Variants in SLAIN1 observed in about 807,000 individuals in gnomAD.
SLAIN1 encodes the protein SLAIN family member 1, also known as SLAIN motif-containing protein 1.
In SLAIN1, 17 loss-of-function variants were observed where a neutral mutation model predicts 55.4. The observed-to-expected ratio is 0.31, with a 90% CI of 0.21 to 0.46. The LOEUF (loss-of-function observed/expected upper bound fraction) is 0.46. SLAIN1 is among the 20% of genes least tolerant of loss of function. SLAIN1 has a pLI of 1.00. For synonymous variants in SLAIN1, 348 were observed against 337.4 expected (o/e 1.03, Z -0.35); for missense variants, 682 against 785.1 (o/e 0.87, Z 1.57).
At chr13:77,710,044 T>C (rs754442120) in intron 1 of SLAIN1, among the ~76,000 whole-genome samples, 8 of 151,904 alleles carry the variant, frequency 5.3e-5, no homozygotes, top group African/African-American at 1.7e-4. Flanking sequence ...AGTGCTGGGA[T>C]TACAGGTGTG....
intron 1 of SLAIN1, among the ~76,000 whole-genome samples, chr13:77,712,965 T>A (rs1370101507): frequency 6.6e-6 from 1 of 152,062 alleles, no homozygotes; most frequent in Non-Finnish European, 1.5e-5. Flanking sequence ...GGGGAAAGGA[T>A]TCCCTATTTA....
intron 1 of SLAIN1, among the ~76,000 whole-genome samples, chr13:77,716,340 T>TG (rs2091207352): frequency 6.6e-6 from 1 of 151,712 alleles, no homozygotes; most frequent in Non-Finnish European, 1.5e-5. Context: ...CATTTTTTTT[T>TG]TTTAACATTT....
intron 2 of SLAIN1, among the ~76,000 whole-genome samples, chr13:77,740,230 T>C (rs1286630173): frequency 6.6e-6 from 1 of 152,014 alleles, no homozygotes; most frequent in Admixed American, 6.6e-5. Context: ...ATACATGACA[T>C]TCAGAACAGG....
At chr13:77,714,793 T>G (rs1405079893) in intron 1 of SLAIN1, among the ~76,000 whole-genome samples, 1 of 152,134 alleles carries the variant, frequency 6.6e-6, no homozygotes, top group Non-Finnish European at 1.5e-5. Flanking sequence ...GTGAACAGAT[T>G]TCAACACTTG....
intron 1 of SLAIN1, among the ~76,000 whole-genome samples, chr13:77,702,483 C>G (rs966069023): frequency 6.6e-6 from 1 of 152,180 alleles, no homozygotes; most frequent in South Asian, 2.1e-4. Flanking sequence ...TCACCAGGCT[C>G]TGCAGCACCA....
intron 1 of SLAIN1, among the ~76,000 whole-genome samples, chr13:77,706,972 A>G (rs1386824203): frequency 1.3e-5 from 2 of 151,912 alleles, no homozygotes; most frequent in African/African-American, 4.8e-5. Context: ...CTAAAATGTC[A>G]TGTTGTACCT....
chr13:77,727,462 A>G lies in SLAIN1; in HGVS notation c.766+7791A>G, dbSNP rs1049764395. 2.2e-4 allele frequency among the ~76,000 whole-genome samples: 33 copies of G among 150,910 alleles called. No homozygotes were observed. In the Middle Eastern group the frequency reaches 0.01, roughly 47 times the overall value. On this transcript the variant is annotated intron_variant, in intron 2 of 6. Transcript: ENST00000418532. Reference sequence around the variant, plus strand: ...CAAAAAAAAAAACAAAACAATTTTCATTGAACATTTGGTGTTGTAAATGGC... The same window carrying G: ...CAAAAAAAAAAACAAAACAATTTTCGTTGAACATTTGGTGTTGTAAATGGC...
intron 2 of SLAIN1, among the ~76,000 whole-genome samples, chr13:77,730,986 AC>A (rs1479856695): frequency 6.6e-6 from 1 of 152,180 alleles, no homozygotes; most frequent in East Asian, 1.9e-4. Flanking sequence ...AAAGGAATCT[AC>A]CAAAATGGGA....
intron 1 of SLAIN1, among the ~76,000 whole-genome samples, chr13:77,706,211 C>T (rs1183146336): frequency 6.6e-6 from 1 of 152,048 alleles, no homozygotes; most frequent in Non-Finnish European, 1.5e-5. Flanking sequence ...AGCTCTCTTC[C>T]TCTCACCCTT....
At position 77,719,650 on chromosome 13, in the gene SLAIN1, C is replaced by T. The variant is rs1290034931; in HGVS notation, c.745C>T (p.Leu249=). The T allele has an allele frequency of 1.9e-6, 3 of 1,613,246 alleles. No individual in the cohort carries two copies. Among genetic ancestry groups the T allele is most frequent in the South Asian group, 2.2e-5 (2 of 91,002 alleles). Residue 249 remains leucine, a synonymous_variant, in exon 2 of 7, where the codon CTG becomes TTG. Coordinates refer to ENST00000418532, the MANE Select transcript of SLAIN1 (RefSeq NM_001242868.2). ...TGAGATGGAAGCAGCGAGACGTTCC[C>T]TGTGCTTTAGACTGGAGCAAGGTAA... ...TPEMEAARRS[L]CFRLEQGYTS...
chr13:77,756,701 T>A (rs1001602481), intron 5 of SLAIN1, among the ~76,000 whole-genome samples: 1 of 152,152 alleles, frequency 6.6e-6, no homozygotes, highest in South Asian at 2.1e-4. Context: ...AATAATCACA[T>A]TTATACAATG....
In SLAIN1 at chr13:77,697,901, C is replaced by G; in HGVS notation, c.-13C>G. Reference sequence around the variant, plus strand: ...CGCACTCCCCGGCGGCCGCGGCGCCCTCGGGGCCCACGATGATGGCGGAGC... The same window carrying G: ...CGCACTCCCCGGCGGCCGCGGCGCCGTCGGGGCCCACGATGATGGCGGAGC... On this transcript the variant is annotated 5_prime_UTR_variant, in exon 1 of 7. Coordinates refer to ENST00000418532, the MANE Select transcript of SLAIN1 (RefSeq NM_001242868.2). 1 of 1,367,826 alleles carries G rather than the reference C, an allele frequency of 7.3e-7. No homozygotes were observed. Among genetic ancestry groups the G allele is most frequent in the Non-Finnish European group, 9.5e-7 (1 of 1,052,168 alleles). 84.7% of individuals were successfully genotyped at this position (1,367,826 alleles called of 1,614,324 possible). A position where few individuals can be genotyped will look rare whatever the true frequency, so the allele number is the denominator to read the frequency against.
intron 1 of SLAIN1, among the ~76,000 whole-genome samples, chr13:77,703,402 T>G (rs1273961087): frequency 6.6e-6 from 1 of 152,136 alleles, no homozygotes; most frequent in Admixed American, 6.6e-5. Context: ...TAAACTGTTT[T>G]TTGCATAATT....
intron 1 of SLAIN1, among the ~76,000 whole-genome samples, chr13:77,709,765 ATTG>A (rs61324361): frequency 7.9e-5 from 12 of 151,630 alleles, no homozygotes; most frequent in South Asian, 2.1e-4. Context: ...CACTAAATAT[ATTG>A]TTGTTGTTGT....
intron 2 of SLAIN1, chr13:77,741,697 G>T (rs1873454694): frequency 6.9e-6 from 1 of 144,868 alleles, no homozygotes; most frequent in Non-Finnish European, 1.5e-5. Context: ...AGGATCTGAA[G>T]AATCCCAGTT....
chr13:77,733,337 C>T (rs946214380), intron 2 of SLAIN1, among the ~76,000 whole-genome samples: 1 of 152,080 alleles, frequency 6.6e-6, no homozygotes, highest in South Asian at 2.1e-4. Context: ...AACTAATGAA[C>T]TCTTGCATTG....
chr13:77,744,797 G>A (rs1324974233), intron 3 of SLAIN1, among the ~76,000 whole-genome samples: 2 of 152,028 alleles, frequency 1.3e-5, no homozygotes, highest in Non-Finnish European at 2.9e-5. Flanking sequence ...TGAATGTTCT[G>A]AGCACCTTTA....
At chr13:77,754,672 C>T (rs1874473599) in intron 5 of SLAIN1, among the ~76,000 whole-genome samples, 1 of 152,190 alleles carries the variant, frequency 6.6e-6, no homozygotes, top group African/African-American at 2.4e-5. Context: ...CTTAATCACC[C>T]TAACACACTT....
chr13:77,744,553 G>A (rs1050619921), intron 3 of SLAIN1, 121 bp downstream of exon 3: 1 of 1,516,898 alleles, frequency 6.6e-7, no homozygotes, highest in African/African-American at 1.4e-5. Flanking sequence ...CTCTCATACT[G>A]TCCTACTTTT....
Sources: allele counts gnomAD v4.1 joint callset (sites outside exome capture counted in the v4.1 genomes callset), GRCh38; gene constraint gnomAD v4.1.1; transcripts MANE v1.5; gene names NCBI Gene and HGNC (gene_info 2026-07-23, HGNC 2026-07-21).